The following GALNT9 variants were observed in gnomAD, a reference collection of about 807,000 sequenced individuals.
GALNT9 encodes the protein polypeptide N-acetylgalactosaminyltransferase 9.
A neutral mutation model predicts 63.1 loss-of-function variants in GALNT9; 47 were observed. The ratio of observed to expected loss-of-function variants is 0.75; its 90% CI spans 0.59 to 0.95. GALNT9 has a LOEUF of 0.95. GALNT9 is among the 40% of genes least tolerant of loss of function. The pLI, the probability that GALNT9 is intolerant of heterozygous loss-of-function variation, is 0.00. For missense variants in GALNT9, 829 were observed against 874.8 expected, an observed-to-expected ratio of 0.95 and a Z score of 0.66; for synonymous variants, 396 against 365.7, an observed-to-expected ratio of 1.08 and a Z score of -0.94.
rs11246989 is a variant in GALNT9 at position 132,201,354 on chromosome 12, G to A, written c.1264-93C>T. ...GGTTGGGGGTCTCCAGGGACCAAGT[G>A]CCCTCACAGGAGCAGCCTCCCCCCC... On this transcript the variant is annotated intron_variant, in intron 7 of 10. Coordinates refer to ENST00000328957, the MANE Select transcript of GALNT9 (RefSeq NM_001122636.2). 343 of 791,164 alleles carry A rather than the reference G, an allele frequency of 4.3e-4. 4 individuals are homozygous for A. In the South Asian group the frequency reaches 5.3e-3, roughly 12 times the overall value. 49.0% of individuals were successfully genotyped at this position (791,164 alleles called of 1,614,324 possible). A position where few individuals can be genotyped will look rare whatever the true frequency, so the allele number is the denominator to read the frequency against.
At chr12:132,222,049 C>T (rs906120219) in intron 6 of GALNT9, among the ~76,000 whole-genome samples, 7 of 152,024 alleles carry the variant, frequency 4.6e-5, no homozygotes, top group African/African-American at 1.4e-4. Context: ...AAGCCTGTGA[C>T]GAGGGCTGCT....
At chr12:132,197,764 C>A in intron 10 of GALNT9, 28 bp downstream of exon 10, 1 of 1,470,880 alleles carries the variant, frequency 6.8e-7, no homozygotes, top group South Asian at 1.2e-5. Context: ...CGCCCCAACC[C>A]CACGGCCCCC....
rs1378934898 is a variant in GALNT9, at chr12:132,319,474, C to T, written c.238+9492G>A. On this transcript the variant is annotated intron_variant, in intron 1 of 10. Coordinates refer to ENST00000328957, the MANE Select transcript of GALNT9 (RefSeq NM_001122636.2). The surrounding 1 kb of genome is among the most constrained non-coding windows in gnomAD (Gnocchi z 5.2). ...GGCTCTTAGGTCTCTGCACTCAGGC[C>T]AAAGGACCCCACCCAGCTTCCCGGG... 2.0e-5 allele frequency among the ~76,000 whole-genome samples: 3 copies of T among 152,086 alleles called. No homozygotes were observed. Among genetic ancestry groups the T allele is most frequent in the Non-Finnish European group, 4.4e-5 (3 of 68,000 alleles).
In GALNT9 at chr12:132,310,287, G is replaced by A. The variant is rs905617392; in HGVS notation, c.238+18679C>T. ...GCGGTTCGGCATTTCAGTTGGGGTCGGTAACACGCAGAAGTAAAGGAACTG... is the reference window on the plus strand; with the variant it reads ...GCGGTTCGGCATTTCAGTTGGGGTCAGTAACACGCAGAAGTAAAGGAACTG... On this transcript the variant is annotated intron_variant, in intron 1 of 10. Transcript: ENST00000328957. The surrounding 1 kb of genome is among the most constrained non-coding windows in gnomAD (Gnocchi z 4.8). Among the ~76,000 whole-genome samples, 5 of 152,136 alleles carry A rather than the reference G, an allele frequency of 3.3e-5. No homozygotes were observed. Among genetic ancestry groups the A allele is most frequent in the Non-Finnish European group, 5.9e-5 (4 of 68,034 alleles).
chr12:132,287,072 CCCGTGAG>C (rs1880626684), intron 1 of GALNT9, among the ~76,000 whole-genome samples: 1 of 107,512 alleles, frequency 9.3e-6, no homozygotes, highest in African/African-American at 3.3e-5. Context: ...CCCCCCCCCC[CCCGTGAG>C]CCACAGCCCT....
chr12:132,262,350 G>A lies in GALNT9; in HGVS notation c.586+109C>T, dbSNP rs183931000. The stretch of plus-strand genomic sequence containing the variant: ...AGGTTTAGAGCCCCTGCGGACAGAT[G>A]GGGTGCAGTCCTCTGTCGCTCTGCC... On this transcript the variant is annotated intron_variant, in intron 3 of 10. Transcript: ENST00000328957. 1,603 of 1,369,868 alleles carry A rather than the reference G, an allele frequency of 1.2e-3. 3 individuals are homozygous for A. The highest frequency in any genetic ancestry group is 1.4e-3 in the Non-Finnish European group (1,447 of 1,031,752). 84.9% of individuals were successfully genotyped at this position (1,369,868 alleles called of 1,614,324 possible). A position where few individuals can be genotyped will look rare whatever the true frequency, so the allele number is the denominator to read the frequency against.
In GALNT9 at chr12:132,286,597, A is replaced by C; in HGVS notation, c.239-167T>G. 1 of 1,198,616 alleles carries C rather than the reference A, an allele frequency of 8.3e-7. No individual in the cohort carries two copies. Among genetic ancestry groups the C allele is most frequent in the Non-Finnish European group, 1.1e-6 (1 of 886,450 alleles). 74.2% of individuals were successfully genotyped at this position (1,198,616 alleles called of 1,614,324 possible). A position where few individuals can be genotyped will look rare whatever the true frequency, so the allele number is the denominator to read the frequency against. On this transcript the variant is annotated intron_variant, in intron 1 of 10. Coordinates refer to ENST00000328957, the MANE Select transcript of GALNT9 (RefSeq NM_001122636.2). This position sits in a 1 kb window ranked among gnomAD's most constrained non-coding sequence, Gnocchi z 7.4. Reference sequence around the variant, plus strand: ...CAGCTCAGGACATTCCAGAAAGTGCAAGGCTGTGCGCGGAGTGAGAGGGCG... The same window carrying C: ...CAGCTCAGGACATTCCAGAAAGTGCCAGGCTGTGCGCGGAGTGAGAGGGCG...
In GALNT9 at chr12:132,279,007, C is replaced by G. The variant is rs1447527557; in HGVS notation, c.419+7243G>C. On this transcript the variant is annotated intron_variant, in intron 2 of 10. Transcript: ENST00000328957. The surrounding 1 kb of genome is among the most constrained non-coding windows in gnomAD (Gnocchi z 4.1). ...CAGCCCATCCCATCCCAACAGGACT[C>G]AGCCTCCAGTGGCTACCATCAGACC... 1 of 152,310 alleles carries G rather than the reference C, an allele frequency of 6.6e-6. No homozygotes were observed. The highest frequency in any genetic ancestry group is 2.4e-5 in the African/African-American group (1 of 41,434). 9.4% of individuals were successfully genotyped at this position (152,310 alleles called of 1,614,324 possible). A position where few individuals can be genotyped will look rare whatever the true frequency, so the allele number is the denominator to read the frequency against.
intron 1 of GALNT9, among the ~76,000 whole-genome samples, chr12:132,313,080 CCCACCCAT>C (rs1566022250): frequency 6.6e-6 from 1 of 151,018 alleles, no homozygotes; most frequent in African/African-American, 2.4e-5. Flanking sequence ...CACCCACTCA[CCCACCCAT>C]CCACCCACTC....
rs1234165938 is a variant in GALNT9 at position 132,245,325 on chromosome 12, C to A, written c.1077+2585G>T. Among the ~76,000 whole-genome samples, 2 of 152,100 alleles carry A rather than the reference C, an allele frequency of 1.3e-5. No homozygotes were observed. The highest frequency in any genetic ancestry group is 4.8e-5 in the African/African-American group (2 of 41,396). On this transcript the variant is annotated intron_variant, in intron 6 of 10. Coordinates refer to ENST00000328957, the MANE Select transcript of GALNT9 (RefSeq NM_001122636.2). This position sits in a 1 kb window ranked among gnomAD's most constrained non-coding sequence, Gnocchi z 6.3. ...GGCATGGTGGCATGTGCCTGTGGTGCCACCTACTTGGGAGGCTGAAGCAGG... is the reference window on the plus strand; with the variant it reads ...GGCATGGTGGCATGTGCCTGTGGTGACACCTACTTGGGAGGCTGAAGCAGG...
chr12:132,262,112 T>C (rs1020732931), intron 3 of GALNT9, among the ~76,000 whole-genome samples: 3 of 152,124 alleles, frequency 2.0e-5, no homozygotes, highest in Non-Finnish European at 4.4e-5. Flanking sequence ...AGCAGGGACT[T>C]TGTAGATGTA....
chr12:132,278,435 G>A (rs1555241414), intron 2 of GALNT9: 3 of 152,248 alleles, frequency 2.0e-5, no homozygotes, highest in Admixed American at 6.5e-5. Flanking sequence ...GCCCGGGAGG[G>A]TCTGAGCCAG....
chr12:132,197,756 C>A, intron 10 of GALNT9, 36 bp downstream of exon 10: 1 of 1,371,242 alleles, frequency 7.3e-7, no homozygotes, highest in Non-Finnish European at 1.0e-6. Flanking sequence ...CCCTGCCCCG[C>A]CCCAACCCCA....
At position 132,260,951 on chromosome 12, in the gene GALNT9, C is replaced by A. The variant is rs1022831160; in HGVS notation, c.758G>T (p.Gly253Val). Residue 253 changes from glycine to valine, a missense_variant, in exon 4 of 11, where the codon GGC (glycine) becomes GTC (valine). Coordinates refer to ENST00000328957, the MANE Select transcript of GALNT9 (RefSeq NM_001122636.2). Reference sequence around the variant, plus strand: ...TCCAGCCTGTTCCGGCCCTTACCAGCCCGTGTTGAACTCGACGTGGGCATC... The same window carrying A: ...TCCAGCCTGTTCCGGCCCTTACCAGACCGTGTTGAACTCGACGTGGGCATC... ...FFDAHVEFNT[G>V]WAEPALSRIR... 2.6e-6 allele frequency: 4 copies of A among 1,540,100 alleles called. No homozygotes were observed. The Middle Eastern group carries it at 5.1e-4, about 195-fold the overall frequency.
In GALNT9 at chr12:132,291,393, A is replaced by G. The variant is rs868959194; in HGVS notation, c.239-4963T>C. 2.5e-3 allele frequency among the ~76,000 whole-genome samples: 198 copies of G among 80,362 alleles called. 4 individuals carry two copies. The highest frequency in any genetic ancestry group is 0.012 in the Middle Eastern group (1 of 82). 52.7% of individuals were successfully genotyped at this position (80,362 alleles called of 152,430 possible). On this transcript the variant is annotated intron_variant, in intron 1 of 10. Coordinates refer to ENST00000328957, the MANE Select transcript of GALNT9 (RefSeq NM_001122636.2). ...CGTCCACAGCACCCACGTCCACAGC[A>G]CCCACGTCCACAGCGCACACGTCCA...
In GALNT9 at chr12:132,265,715, A is replaced by G. The variant is rs1879570008; in HGVS notation, c.420-3090T>C. On this transcript the variant is annotated intron_variant, in intron 2 of 10. Coordinates refer to ENST00000328957, the MANE Select transcript of GALNT9 (RefSeq NM_001122636.2). The surrounding 1 kb of genome is among the most constrained non-coding windows in gnomAD (Gnocchi z 5.3). Reference sequence around the variant, plus strand: ...CCTTATTCCTGATGTAGCTTCCCCAATCTCCAGCCAGTCAGCACCCAAAGC... The same window carrying G: ...CCTTATTCCTGATGTAGCTTCCCCAGTCTCCAGCCAGTCAGCACCCAAAGC... Among the ~76,000 whole-genome samples the G allele has an allele frequency of 1.3e-5, 2 of 152,104 alleles. No individual in the cohort carries two copies. Among genetic ancestry groups the G allele is most frequent in the South Asian group, 2.1e-4 (1 of 4,822 alleles).
chr12:132,298,119 T>C (rs1266555154), intron 1 of GALNT9, among the ~76,000 whole-genome samples: 1 of 152,038 alleles, frequency 6.6e-6, no homozygotes, highest in Non-Finnish European at 1.5e-5. Flanking sequence ...ATTCCCAAGA[T>C]ACCTAGCCCA....
chr12:132,271,898 T>C (rs1879880426), intron 2 of GALNT9, among the ~76,000 whole-genome samples: 1 of 152,102 alleles, frequency 6.6e-6, no homozygotes, highest in Non-Finnish European at 1.5e-5. Context: ...GCAGCAGCCA[T>C]GTGGGGCCAC....
At position 132,265,030 on chromosome 12, in the gene GALNT9, T is replaced by C. The variant is rs1184173527; in HGVS notation, c.420-2405A>G. Among the ~76,000 whole-genome samples the C allele has an allele frequency of 6.6e-6, 1 of 152,186 alleles. No homozygotes were observed. The highest frequency in any genetic ancestry group is 1.5e-5 in the Non-Finnish European group (1 of 68,030). On this transcript the variant is annotated intron_variant, in intron 2 of 10. Coordinates refer to ENST00000328957, the MANE Select transcript of GALNT9 (RefSeq NM_001122636.2). The surrounding 1 kb of genome is among the most constrained non-coding windows in gnomAD (Gnocchi z 5.3). ...TTCCACACGCGCGGAGTTGAAGCGT[T>C]TTTATTTAACTCCCTGTCGCCCACC... is the stretch of plus-strand genomic sequence containing the variant.
Sources: gnomAD v4.1 joint callset for allele counts (sites outside exome capture counted in the v4.1 genomes callset) on GRCh38, gnomAD v4.1.1 for gene constraint, Gnocchi (gnomAD v3.1) non-coding constraint, MANE v1.5 for transcripts, NCBI Gene and HGNC (gene_info 2026-07-23, HGNC 2026-07-21) for gene names.